Variants in PDE1C observed in about 807,000 individuals in gnomAD.
PDE1C encodes dual specificity calcium/calmodulin-dependent 3',5'-cyclic nucleotide phosphodiesterase 1C.
In PDE1C, 62 loss-of-function variants were observed where a neutral mutation model predicts 93.1. The ratio of observed to expected loss-of-function variants is 0.67; its 90% CI spans 0.54 to 0.82. The LOEUF is 0.82. PDE1C is among the 40% of genes least tolerant of loss of function. The pLI, the probability that PDE1C is intolerant of heterozygous loss-of-function variation, is 0.00. For missense variants in PDE1C, 742 were observed against 884.6 expected (o/e 0.84, Z 2.04); for synonymous variants, 325 against 310.1 (o/e 1.05, Z -0.50).
At chr7:32,391,518 C>G (rs1784750670) in intron 1 of PDE1C, among the ~76,000 whole-genome samples, 1 of 152,140 alleles carries the variant, frequency 6.6e-6, no homozygotes, top group African/African-American at 2.4e-5. Flanking sequence ...ACAGAACATT[C>G]TATTGAACAA....
intron 1 of PDE1C, among the ~76,000 whole-genome samples, chr7:32,414,423 G>GTATA: frequency 6.6e-6 from 1 of 152,228 alleles, no homozygotes; most frequent in Admixed American, 6.5e-5. Flanking sequence ...TACAGTATGT[G>GTATA]TATATGTGCC....
At chr7:32,302,042 T>C (rs1013642926), upstream of PDE1C, among the ~76,000 whole-genome samples, 1 of 152,262 alleles carries the variant, frequency 6.6e-6, no homozygotes, top group Non-Finnish European at 1.5e-5. Flanking sequence ...TATTTCCATA[T>C]TCTTTCTGGC....
chr7:31,623,359 A>C, the PDE1C span, among the ~76,000 whole-genome samples: 1 of 151,994 alleles, frequency 6.6e-6, no homozygotes, highest in Non-Finnish European at 1.5e-5. Context: ...TCCTCAATAA[A>C]ACACTGGCAA....
At chr7:32,249,833 C>T (rs554634143) in intron 1 of PDE1C, among the ~76,000 whole-genome samples, 4 of 152,170 alleles carry the variant, frequency 2.6e-5, no homozygotes, top group East Asian at 1.9e-4. Flanking sequence ...AGTTAGTTCA[C>T]GAGGCAAAAA....
intron 11 of PDE1C, among the ~76,000 whole-genome samples, chr7:31,833,747 G>A (rs1051617814): frequency 6.6e-6 from 1 of 152,160 alleles, no homozygotes; most frequent in African/African-American, 2.4e-5. Context: ...CTTGGGTGCT[G>A]TTAAAAGCAT....
the PDE1C span, among the ~76,000 whole-genome samples, chr7:31,634,481 GAC>G: frequency 1.3e-5 from 2 of 152,136 alleles, no homozygotes; most frequent in Admixed American, 1.3e-4. Context: ...CCTATGAGGG[GAC>G]AGACTCAGAG....
At chr7:31,725,676 T>C in the PDE1C span, among the ~76,000 whole-genome samples, 1 of 152,182 alleles carries the variant, frequency 6.6e-6, no homozygotes, top group Admixed American at 6.5e-5. Context: ...TAAGGTACTA[T>C]AGCTATGCAA....
the PDE1C span, among the ~76,000 whole-genome samples, chr7:31,648,819 T>G: frequency 6.6e-6 from 1 of 152,224 alleles, no homozygotes; most frequent in Admixed American, 6.5e-5. Context: ...TCAGCTATAC[T>G]GTGGTCCCTG....
intron 1 of PDE1C, among the ~76,000 whole-genome samples, chr7:32,358,897 C>CTGTGTGTGTGTGTGTGTGTG (rs71559224): frequency 0.21 from 30,635 of 145,098 alleles, 3,699 homozygotes; most frequent in Admixed American, 0.27. Context: ...GTGTGTGTGT[C>CTGTGTGTGTGTGTGTGTGTG]TGTGTGTGTG....
At chr7:31,835,525 G>GGTGTGTGTGTGT (rs58539780) in intron 11 of PDE1C, among the ~76,000 whole-genome samples, 125 of 147,058 alleles carry the variant, frequency 8.5e-4, no homozygotes, top group African/African-American at 2.8e-3. Flanking sequence ...GGGGTGCTGC[G>GGTGTGTGTGTGT]GTGTGTGTGT....
intron 3 of PDE1C, among the ~76,000 whole-genome samples, chr7:32,093,083 G>T (rs533967675): frequency 1.3e-5 from 2 of 152,114 alleles, no homozygotes; most frequent in Non-Finnish European, 2.9e-5. Flanking sequence ...AGAACAAGAC[G>T]ATCACCCTAT....
rs112602823 is a variant in PDE1C at position 32,209,059 on chromosome 7, T to C, written c.136+430A>G. Among the ~76,000 whole-genome samples the C allele has an allele frequency of 7.6e-3, 1,164 of 152,302 alleles. 13 individuals carry two copies. The highest frequency in any genetic ancestry group is 0.027 in the African/African-American group (1,113 of 41,560). Reference sequence around the variant, plus strand: ...CTCCTCACTTTATCTTCATAAAACATTCATTGAAAGATTGAAAGGATAGTC... The same window carrying C: ...CTCCTCACTTTATCTTCATAAAACACTCATTGAAAGATTGAAAGGATAGTC... On this transcript the variant is annotated intron_variant, in intron 2 of 18. Coordinates refer to the PDE1C transcript ENST00000396193.
chr7:32,053,505 C>T (rs1162534139), intron 1 of PDE1C, among the ~76,000 whole-genome samples: 1 of 152,200 alleles, frequency 6.6e-6, no homozygotes, highest in South Asian at 2.1e-4. Context: ...TAAGGTACAA[C>T]TGGCAAGACG....
intron 2 of PDE1C, among the ~76,000 whole-genome samples, chr7:31,964,020 C>A (rs538277735): frequency 1.3e-5 from 2 of 152,316 alleles, no homozygotes; most frequent in Non-Finnish European, 2.9e-5. Context: ...ATCTACAGCT[C>A]CCAGTGTGAG....
chr7:32,070,311 C>T lies in PDE1C; in HGVS notation c.83G>A (p.Trp28Ter). 4 of 1,614,208 alleles carry T rather than the reference C, an allele frequency of 2.5e-6. No individual in the cohort carries two copies. Among genetic ancestry groups the T allele is most frequent in the Non-Finnish European group, 3.4e-6 (4 of 1,180,046 alleles). Residue 28 changes from tryptophan to a stop codon, truncating the protein, a stop_gained, in exon 1 of 18, where the codon TGG becomes TAG. Coordinates refer to ENST00000396191, the MANE Select transcript of PDE1C (RefSeq NM_001191057.4). LOFTEE classifies it high-confidence loss of function. ...YLQPEQIEKI[W>*]LRLRGLRKYK... is the part of the protein sequence containing the mutation. ...TACTTACAGCCCGCGGAGCCGAAGC[C>T]AGATTTTCTCGATCTGTTCCGGTTG...
intron 7 of PDE1C, among the ~76,000 whole-genome samples, chr7:31,864,644 C>T (rs991332292): frequency 2.6e-5 from 4 of 152,196 alleles, no homozygotes; most frequent in African/African-American, 9.7e-5. Flanking sequence ...AACAGTACCA[C>T]TCTCCATATC....
chr7:32,299,244 G>A lies in PDE1C; in HGVS notation c.-509C>T, dbSNP rs1472419119. 6 of 987,852 alleles carry A rather than the reference G, an allele frequency of 6.1e-6. No homozygotes were observed. In the African/African-American group the frequency reaches 1.0e-4, roughly 17 times the overall value. 61.2% of individuals were successfully genotyped at this position (987,852 alleles called of 1,614,324 possible). ...GATATGTTTTCTCTGGCAGACCGGG[G>A]AGCTTCCAGAAAGCACATCAACAGA... On this transcript the variant is annotated 5_prime_UTR_variant, in exon 1 of 19. Transcript: ENST00000396193.
chr7:31,830,594 C>T (rs1184926904), intron 11 of PDE1C, among the ~76,000 whole-genome samples: 1 of 152,160 alleles, frequency 6.6e-6, no homozygotes, highest in Non-Finnish European at 1.5e-5. Flanking sequence ...GACAGACAAA[C>T]TAAAGACAGC....
chr7:31,716,916 C>T, the PDE1C span, among the ~76,000 whole-genome samples: 1 of 152,108 alleles, frequency 6.6e-6, no homozygotes, highest in African/African-American at 2.4e-5. Flanking sequence ...GAAGACCAAC[C>T]TACCAAGATA....
Sources: allele counts gnomAD v4.1 joint callset (sites outside exome capture counted in the v4.1 genomes callset), GRCh38; gene constraint gnomAD v4.1.1; transcripts MANE v1.5; gene names NCBI Gene and HGNC (gene_info 2026-07-23, HGNC 2026-07-21).